The following STAC variants were observed in gnomAD, a reference collection of about 807,000 sequenced individuals.
STAC encodes SH3 and cysteine rich domain.
STAC carries 43 observed loss-of-function variants against 48.8 expected under a neutral mutation model. The observed-to-expected ratio is 0.88, with a 90% CI of 0.69 to 1.14. The LOEUF (loss-of-function observed/expected upper bound fraction) is 1.14. Among genes scored for constraint, STAC ranks in the 50% most tolerant of loss-of-function variants. The pLI, the probability that STAC is intolerant of heterozygous loss-of-function variation, is 0.00. For synonymous variants in STAC, 193 were observed against 179.5 expected (o/e 1.07, Z -0.60); for missense variants, 497 against 504.0 (o/e 0.99, Z 0.13).
At chr3:36,432,651 C>G (rs1343060696) in intron 1 of STAC, among the ~76,000 whole-genome samples, 2 of 150,632 alleles carry the variant, frequency 1.3e-5, no homozygotes, top group Non-Finnish European at 2.9e-5. Context: ...TGCAGTGAGC[C>G]AAGATCGTGC....
At chr3:36,429,978 A>G (rs1056078629) in intron 1 of STAC, among the ~76,000 whole-genome samples, 7 of 152,204 alleles carry the variant, frequency 4.6e-5, no homozygotes, top group African/African-American at 1.7e-4. Context: ...AAGGGAGATT[A>G]GCCTTGGTTA....
chr3:36,479,132 C>T (rs1430083272), intron 2 of STAC, among the ~76,000 whole-genome samples: 1 of 152,158 alleles, frequency 6.6e-6, no homozygotes, highest in Non-Finnish European at 1.5e-5. Context: ...GTCATATTCT[C>T]TAGAAATTTC....
chr3:36,389,349 C>T (rs1048085296), intron 1 of STAC, among the ~76,000 whole-genome samples: 10 of 152,082 alleles, frequency 6.6e-5, no homozygotes, highest in African/African-American at 2.2e-4. Context: ...TGTGTTGTCT[C>T]ATGGTGGAAG....
At chr3:36,495,250 T>C (rs1559513386) in intron 6 of STAC, among the ~76,000 whole-genome samples, 1 of 152,246 alleles carries the variant, frequency 6.6e-6, no homozygotes, top group Non-Finnish European at 1.5e-5. Context: ...TATCCATACA[T>C]TGATGATTCA....
chr3:36,534,986 C>A (rs550047340), intron 10 of STAC, among the ~76,000 whole-genome samples: 6 of 152,210 alleles, frequency 3.9e-5, no homozygotes, highest in African/African-American at 1.4e-4. Flanking sequence ...TAAAATGTAT[C>A]CTTATTAAAT....
At chr3:36,511,186 T>C (rs1418833873) in intron 8 of STAC, among the ~76,000 whole-genome samples, 1 of 152,068 alleles carries the variant, frequency 6.6e-6, no homozygotes, top group African/African-American at 2.4e-5. Flanking sequence ...TGGGTTCACA[T>C]CCTACTTGTT....
At chr3:36,398,328 AAAG>A (rs1559476886) in intron 1 of STAC, among the ~76,000 whole-genome samples, 2,660 of 115,608 alleles carry the variant, frequency 0.023, 56 homozygotes, top group Non-Finnish European at 0.029. Flanking sequence ...AGCAAGAAAG[AAAG>A]AAAGAAAGAA....
At chr3:36,463,718 T>C (rs370422266) in intron 2 of STAC, among the ~76,000 whole-genome samples, 123 of 129,194 alleles carry the variant, frequency 9.5e-4, no homozygotes, top group African/African-American at 3.3e-3. Context: ...CCTGTGTCCA[T>C]GTGATCTCAT....
intron 2 of STAC, among the ~76,000 whole-genome samples, chr3:36,453,473 G>A (rs560579188): frequency 2.6e-5 from 4 of 152,318 alleles, no homozygotes; most frequent in East Asian, 1.9e-4. Flanking sequence ...CGGGCAGTGA[G>A]GGTCTTAGCA....
At chr3:36,546,112 C>G in intron 10 of STAC, 79 bp from the exon 11 acceptor site, 2 of 1,185,262 alleles carry the variant, frequency 1.7e-6, no homozygotes, top group South Asian at 2.5e-5. Flanking sequence ...CCTCAGTCAG[C>G]AGGGATTCAA....
chr3:36,476,980 G>A (rs1256999917), intron 2 of STAC, among the ~76,000 whole-genome samples: 2 of 152,098 alleles, frequency 1.3e-5, no homozygotes, highest in Non-Finnish European at 2.9e-5. Context: ...AAAAGCAGAG[G>A]CCTAGAAATT....
In STAC at chr3:36,380,649, C is replaced by A; in HGVS notation, c.6C>A (p.Ile2=). The A allele has an allele frequency of 6.3e-7, 1 of 1,590,674 alleles. No individual in the cohort carries two copies. The highest frequency in any genetic ancestry group is 8.6e-7 in the Non-Finnish European group (1 of 1,168,518). Residue 2 remains isoleucine, a synonymous_variant, in exon 1 of 11, where the codon ATC becomes ATA. Coordinates refer to ENST00000273183, the MANE Select transcript of STAC (RefSeq NM_003149.3). The part of the protein sequence containing the change: M[I]PPSSPREDGV... ...ACCGTTCCCGCGCGGCCACGATGAT[C>A]CCTCCGAGCAGCCCCCGCGAGGACG...
intron 6 of STAC, among the ~76,000 whole-genome samples, chr3:36,502,385 A>G (rs1241052296): frequency 6.6e-6 from 1 of 152,212 alleles, no homozygotes; most frequent in Non-Finnish European, 1.5e-5. Context: ...GAATAGGTTT[A>G]AAAATTATTT....
At chr3:36,517,271 C>T (rs979206072) in intron 8 of STAC, among the ~76,000 whole-genome samples, 11 of 152,182 alleles carry the variant, frequency 7.2e-5, no homozygotes, top group Admixed American at 5.9e-4. Flanking sequence ...ACCAATTACC[C>T]TTATTATCAA....
chr3:36,456,627 G>C (rs909282094), intron 2 of STAC, among the ~76,000 whole-genome samples: 2 of 151,972 alleles, frequency 1.3e-5, no homozygotes, highest in African/African-American at 4.8e-5. Flanking sequence ...ATGCCTTCTT[G>C]GTGCCAAAAT....
At chr3:36,505,872 T>G (rs1698392080) in intron 8 of STAC, 38 bp downstream of exon 8, 1 of 1,413,714 alleles carries the variant, frequency 7.1e-7, no homozygotes. Flanking sequence ...GAGTAAAATT[T>G]TAAAGTCAGT....
At chr3:36,418,483 T>C (rs61333033) in intron 1 of STAC, among the ~76,000 whole-genome samples, 34,954 of 151,982 alleles carry the variant, frequency 0.23, 4,247 homozygotes, top group Non-Finnish European at 0.25. Context: ...AGAATGTGGC[T>C]TGTTTAATCA....
intron 2 of STAC, among the ~76,000 whole-genome samples, chr3:36,480,340 G>A (rs2125697715): frequency 6.6e-6 from 1 of 152,168 alleles, no homozygotes; most frequent in East Asian, 1.9e-4. Context: ...ATAATTTATA[G>A]TGTGTTTATG....
chr3:36,385,960 T>C (rs1699607217), intron 1 of STAC, among the ~76,000 whole-genome samples: 2 of 152,046 alleles, frequency 1.3e-5, no homozygotes, highest in South Asian at 4.1e-4. Flanking sequence ...GAACATTCCT[T>C]ATATATATTC....
Sources: allele counts gnomAD v4.1 joint callset (sites outside exome capture counted in the v4.1 genomes callset), GRCh38; gene constraint gnomAD v4.1.1; transcripts MANE v1.5; gene names NCBI Gene and HGNC (gene_info 2026-07-23, HGNC 2026-07-21).